MARCHF3: variants seen among roughly 807,000 people sequenced by gnomAD.
MARCHF3 encodes the protein membrane associated ring-CH-type finger 3, also known as E3 ubiquitin-protein ligase MARCHF3.
In MARCHF3, 13 loss-of-function variants were observed where a neutral mutation model predicts 24.2. That is an observed-to-expected ratio of 0.54 (90% CI 0.35 to 0.85). The LOEUF is 0.85. MARCHF3 is among the 40% of genes least tolerant of loss of function. MARCHF3 has a pLI of 0.01. For synonymous variants in MARCHF3, 144 were observed against 137.3 expected (o/e 1.05, Z -0.34); for missense variants, 276 against 325.0 (o/e 0.85, Z 1.16).
chr5:127,015,716 T>C (rs1752617894), intron 1 of MARCHF3, among the ~76,000 whole-genome samples: 2 of 152,362 alleles, frequency 1.3e-5, no homozygotes, highest in South Asian at 4.1e-4. Context: ...ATCATTTTAG[T>C]GGATACAGCA....
At chr5:126,916,808 G>C (rs1324179804) in intron 2 of MARCHF3, among the ~76,000 whole-genome samples, 1 of 151,828 alleles carries the variant, frequency 6.6e-6, no homozygotes. Context: ...TGCCTGCAAG[G>C]GTGAGTGGGG....
chr5:126,899,535 C>G (rs1480525125), intron 3 of MARCHF3, among the ~76,000 whole-genome samples: 4 of 151,998 alleles, frequency 2.6e-5, no homozygotes, highest in Admixed American at 2.6e-4. Context: ...ACTCAGTAAA[C>G]TGAAGACTCA....
At chr5:126,973,226 A>G (rs1751073818) in intron 1 of MARCHF3, among the ~76,000 whole-genome samples, 2 of 152,180 alleles carry the variant, frequency 1.3e-5, no homozygotes, top group African/African-American at 4.8e-5. Context: ...TGAATTCCAA[A>G]CGCCCTTCTA....
At chr5:126,883,850 C>T (rs901446477) in intron 3 of MARCHF3, among the ~76,000 whole-genome samples, 2 of 152,160 alleles carry the variant, frequency 1.3e-5, no homozygotes, top group African/African-American at 2.4e-5. Context: ...TGGCTAATAG[C>T]TCTGATCGAT....
intron 1 of MARCHF3, among the ~76,000 whole-genome samples, chr5:126,944,704 A>G (rs1393881965): frequency 1.3e-5 from 2 of 152,208 alleles, no homozygotes; most frequent in African/African-American, 4.8e-5. Context: ...AGAACTCAGA[A>G]GACCTTGGTT....
chr5:126,936,675 G>GTTTT (rs1749656883), intron 1 of MARCHF3, among the ~76,000 whole-genome samples: 1 of 152,046 alleles, frequency 6.6e-6, no homozygotes, highest in South Asian at 2.1e-4. Flanking sequence ...AAAAACAGTT[G>GTTTT]AACAAATAGC....
intron 1 of MARCHF3, among the ~76,000 whole-genome samples, chr5:126,946,025 C>G (rs1256324736): frequency 1.3e-5 from 2 of 152,018 alleles, no homozygotes; most frequent in African/African-American, 2.4e-5. Context: ...TGGGTAGTGA[C>G]CCATTCGTGA....
chr5:126,912,628 G>T (rs1461514556), intron 3 of MARCHF3, among the ~76,000 whole-genome samples: 1 of 152,190 alleles, frequency 6.6e-6, no homozygotes, highest in African/African-American at 2.4e-5. Flanking sequence ...GAGAAGAGAT[G>T]CTCACTAGGA....
chr5:126,991,784 A>C (rs997663955), intron 1 of MARCHF3, among the ~76,000 whole-genome samples: 6 of 150,842 alleles, frequency 4.0e-5, no homozygotes. Flanking sequence ...TCTTCCCCCC[A>C]CTTCCATTCT....
At chr5:126,990,411 G>A (rs1245416663) in intron 1 of MARCHF3, among the ~76,000 whole-genome samples, 1 of 152,122 alleles carries the variant, frequency 6.6e-6, no homozygotes, top group Non-Finnish European at 1.5e-5. Context: ...ATGGATTAAA[G>A]ACTAAAATGT....
chr5:126,963,494 A>C (rs1246098154), intron 1 of MARCHF3, among the ~76,000 whole-genome samples: 1 of 152,204 alleles, frequency 6.6e-6, no homozygotes, highest in Non-Finnish European at 1.5e-5. Context: ...TGCTACATTT[A>C]AGAAGAAAAT....
chr5:126,985,948 T>C (rs997042875), intron 1 of MARCHF3, among the ~76,000 whole-genome samples: 2 of 152,200 alleles, frequency 1.3e-5, no homozygotes, highest in East Asian at 1.9e-4. Flanking sequence ...AGTGGGGTGG[T>C]TGATCATCCA....
chr5:126,899,303 C>G (rs1754026816), intron 3 of MARCHF3: 1 of 985,086 alleles, frequency 1.0e-6, no homozygotes, highest in African/African-American at 1.7e-5. Flanking sequence ...TGAGGGAGAG[C>G]CACAAATAAT....
intron 1 of MARCHF3, among the ~76,000 whole-genome samples, chr5:126,964,832 T>G (rs1176881008): frequency 6.6e-6 from 1 of 152,110 alleles, no homozygotes; most frequent in Admixed American, 6.5e-5. Flanking sequence ...GAGCCAGTTT[T>G]GGGAACAGGC....
chr5:126,906,276 T>A (rs1476440590), intron 3 of MARCHF3, among the ~76,000 whole-genome samples: 1 of 152,132 alleles, frequency 6.6e-6, no homozygotes, highest in Non-Finnish European at 1.5e-5. Flanking sequence ...TCTAAAATTC[T>A]CTTTTTTGGT....
At chr5:126,993,329 G>GT (rs541445183) in intron 1 of MARCHF3, among the ~76,000 whole-genome samples, 32 of 152,310 alleles carry the variant, frequency 2.1e-4, no homozygotes, top group African/African-American at 7.0e-4. Context: ...TACAAGCAAA[G>GT]TATCTCCAGA....
intron 1 of MARCHF3, among the ~76,000 whole-genome samples, chr5:126,992,605 T>C (rs74740216): frequency 0.022 from 3,403 of 152,136 alleles, 113 homozygotes; most frequent in African/African-American, 0.078. Context: ...ACGTAGTACG[T>C]AGAGGTTACG....
At chr5:126,894,176 A>G (rs1303432605) in intron 3 of MARCHF3, among the ~76,000 whole-genome samples, 1 of 131,072 alleles carries the variant, frequency 7.6e-6, no homozygotes, top group Non-Finnish European at 1.6e-5. Context: ...TTTTGAGCCT[A>G]TGTGTGTCTC....
intron 3 of MARCHF3, among the ~76,000 whole-genome samples, chr5:126,888,636 A>T (rs1753573658): frequency 6.6e-6 from 1 of 152,250 alleles, no homozygotes; most frequent in Non-Finnish European, 1.5e-5. Context: ...TGATCAATGT[A>T]AAGCAAGAAA....
Sources: gnomAD v4.1 joint callset for allele counts (sites outside exome capture counted in the v4.1 genomes callset) on GRCh38, gnomAD v4.1.1 for gene constraint, MANE v1.5 for transcripts, NCBI Gene and HGNC (gene_info 2026-07-23, HGNC 2026-07-21) for gene names.